The following NPHP1 variants were observed in gnomAD, a reference collection of about 807,000 sequenced individuals.
NPHP1 encodes the protein nephrocystin 1, also known as nephrocystin-1.
A neutral mutation model predicts 90.4 loss-of-function variants in NPHP1; 70 were observed. The observed-to-expected ratio is 0.77, with a 90% confidence interval of 0.64 to 0.95. The LOEUF (loss-of-function observed/expected upper bound fraction) is 0.95. Ranked by LOEUF, NPHP1 falls within the 40% of genes least tolerant of loss-of-function variation. The probability of loss-of-function intolerance (pLI) is 0.00; values close to 1 mark genes in which losing one functional copy is unlikely to be tolerated. For missense variants in NPHP1, 764 were observed against 795.9 expected (o/e 0.96, Z 0.48); for synonymous variants, 256 against 271.7 (o/e 0.94, Z 0.57).
Position 110,165,085 on chromosome 2 carries a change from T to A in NPHP1, c.695A>T (p.Asp232Val). Reference sequence around the variant, plus strand: ...AACTTCTGCTCCATCTGCTGTTTCATCCACCGCCTCTACATCTTCTTCACT... The same window carrying A: ...AACTTCTGCTCCATCTGCTGTTTCAACCACCGCCTCTACATCTTCTTCACT... ...EGSEEDVEAVDETADGAEVKQ... is the reference protein window; with the variant it reads ...EGSEEDVEAVVETADGAEVKQ... The change falls in exon 7 of 20, where the codon GAT (aspartate) becomes GTT (valine). Residue 232 changes from aspartate to valine, a missense_variant. Physicochemically the swap from Asp to Val is radical, Grantham distance 152 (BLOSUM62 -3). Coordinates refer to ENST00000445609, the MANE Select transcript of NPHP1 (RefSeq NM_001128178.3). The A allele has an allele frequency of 6.2e-7, 1 of 1,613,796 alleles. No individual in the cohort carries two copies. The highest frequency in any genetic ancestry group is 8.5e-7 in the Non-Finnish European group (1 of 1,179,784).
chr2:110,196,794 C>T lies in NPHP1; in HGVS notation c.143+4627G>A, dbSNP rs535826996. On this transcript the variant is annotated intron_variant, in intron 2 of 19. Transcript: ENST00000445609. ...GATAGACTGGATTAAGAAAATGTGG[C>T]ACATATACACCATGGAATACTATGC... is the stretch of plus-strand genomic sequence containing the variant. Among the ~76,000 whole-genome samples the T allele has an allele frequency of 1.4e-4, 22 of 152,220 alleles. No homozygotes were observed. In the South Asian group the frequency reaches 4.2e-3, roughly 29 times the overall value.
At chr2:110,194,984 A>G (rs954781978) in intron 2 of NPHP1, among the ~76,000 whole-genome samples, 1 of 152,158 alleles carries the variant, frequency 6.6e-6, no homozygotes, top group African/African-American at 2.4e-5. Context: ...CTCTCAAGAA[A>G]TTAGGTATTG....
chr2:110,175,704 G>A (rs1359210775), intron 4 of NPHP1, among the ~76,000 whole-genome samples: 1 of 151,740 alleles, frequency 6.6e-6, no homozygotes, highest in African/African-American at 2.4e-5. Flanking sequence ...TTCTGTTTGG[G>A]GTTCCCTGAG....
At chr2:110,197,180 A>G (rs1190594645) in intron 2 of NPHP1, among the ~76,000 whole-genome samples, 1 of 152,150 alleles carries the variant, frequency 6.6e-6, no homozygotes, top group Non-Finnish European at 1.5e-5. Context: ...TAATGGATGC[A>G]GGGCTTAATA....
At position 110,200,252 on chromosome 2, in the gene NPHP1, C is replaced by G. The variant is rs1427523844; in HGVS notation, c.143+1169G>C. Among the ~76,000 whole-genome samples, 9 of 147,598 alleles carry G rather than the reference C, an allele frequency of 6.1e-5. No individual in the cohort carries two copies. The East Asian group carries it at 1.6e-3, about 26-fold the overall frequency. ...CCTGGGCGACAGAGAGAGACTCTAT[C>G]TCAAAAAAAATAAAACATAACAATT... is the stretch of plus-strand genomic sequence containing the variant. On this transcript the variant is annotated intron_variant, in intron 2 of 19. Transcript: ENST00000445609.
Position 110,163,051 on chromosome 2 carries a change from C to T in NPHP1, c.856G>A (p.Glu286Lys), listed in dbSNP as rs1289648902. The T allele has an allele frequency of 1.9e-6, 3 of 1,610,986 alleles. No individual in the cohort carries two copies. The highest frequency in any genetic ancestry group is 2.5e-6 in the Non-Finnish European group (3 of 1,177,168). The change falls in exon 9 of 20, where the codon GAA (glutamate) becomes AAA (lysine). Residue 286 changes from glutamate (E) to lysine (K), a missense_variant. Glu to Lys is a moderately conservative substitution (Grantham distance 56, BLOSUM62 1). Transcript: ENST00000445609. ...GTGGCTGATAGGCACGCATTACCTTCCTCCAGAAGCTGTGAGAGCGTGGAA... is the reference window on the plus strand; with the variant it reads ...GTGGCTGATAGGCACGCATTACCTTTCTCCAGAAGCTGTGAGAGCGTGGAA... ...RPSTLSQLLE[E>K]GNQFRANYFL...
Position 110,148,595 on chromosome 2 carries a change from C to A in NPHP1, c.1159-569G>T, listed in dbSNP as rs370142615. Among the ~76,000 whole-genome samples, 21 of 152,210 alleles carry A rather than the reference C, an allele frequency of 1.4e-4. No homozygotes were observed. In the East Asian group the frequency reaches 2.5e-3, roughly 18 times the overall value. On this transcript the variant is annotated intron_variant, in intron 12 of 19. Coordinates refer to ENST00000445609, the MANE Select transcript of NPHP1 (RefSeq NM_001128178.3). ...CTGAATTCATCAATGCCAATGATTA[C>A]AAATTTTAAAAATTTAACTTCACTT... is the stretch of plus-strand genomic sequence containing the variant.
chr2:110,174,265 A>G (rs1338914938), intron 4 of NPHP1, among the ~76,000 whole-genome samples: 1 of 151,926 alleles, frequency 6.6e-6, no homozygotes, highest in Non-Finnish European at 1.5e-5. Flanking sequence ...CCATATTACT[A>G]TTTGGTTTCT....
intron 2 of NPHP1, among the ~76,000 whole-genome samples, chr2:110,187,031 A>G (rs943556780): frequency 6.6e-6 from 1 of 152,180 alleles, no homozygotes; most frequent in Non-Finnish European, 1.5e-5. Flanking sequence ...CAGTGTTCAG[A>G]GGAAAATTTA....
chr2:110,193,665 C>T (rs1183643144), intron 2 of NPHP1, among the ~76,000 whole-genome samples: 2 of 152,176 alleles, frequency 1.3e-5, no homozygotes, highest in African/African-American at 2.4e-5. Flanking sequence ...ACCTAATAGA[C>T]ATCTACAGAA....
chr2:110,188,780 A>G lies in NPHP1; in HGVS notation c.144-9096T>C, dbSNP rs182222668. On this transcript the variant is annotated intron_variant, in intron 2 of 19. Coordinates refer to ENST00000445609, the MANE Select transcript of NPHP1 (RefSeq NM_001128178.3). Reference sequence around the variant, plus strand: ...GCTACAGTAACTAAAACAGCATGGTACTGGTAAAAGAACAGACACATAGGC... The same window carrying G: ...GCTACAGTAACTAAAACAGCATGGTGCTGGTAAAAGAACAGACACATAGGC... 6.4e-4 allele frequency among the ~76,000 whole-genome samples: 98 copies of G among 152,334 alleles called. 1 individual carries two copies. The East Asian group carries it at 0.018, about 27-fold the overall frequency.
intron 14 of NPHP1, among the ~76,000 whole-genome samples, chr2:110,145,167 T>C (rs1408357404): frequency 6.6e-6 from 1 of 152,166 alleles, no homozygotes; most frequent in East Asian, 1.9e-4. Flanking sequence ...ACACTCTACA[T>C]GCTTTTCTTT....
intron 2 of NPHP1, among the ~76,000 whole-genome samples, 183 bp downstream of exon 2, chr2:110,201,238 T>C (rs1477431860): frequency 1.3e-5 from 2 of 152,170 alleles, no homozygotes; most frequent in Non-Finnish European, 2.9e-5. Context: ...GCAGTTTTTA[T>C]AGTTGCTGTC....
chr2:110,141,985 A>G (rs1680676914), intron 16 of NPHP1, among the ~76,000 whole-genome samples: 1 of 151,490 alleles, frequency 6.6e-6, no homozygotes, highest in African/African-American at 2.4e-5. Flanking sequence ...AAAAAAAAAA[A>G]AAAAGAAAGA....
intron 16 of NPHP1, among the ~76,000 whole-genome samples, chr2:110,135,734 T>C (rs1292579878): frequency 6.6e-6 from 1 of 152,172 alleles, no homozygotes; most frequent in African/African-American, 2.4e-5. Flanking sequence ...AAAAGGAAGA[T>C]GTCTTTGGGC....
At chr2:110,178,872 G>T (rs1036068435) in intron 3 of NPHP1, 1 of 203,768 alleles carries the variant, frequency 4.9e-6, no homozygotes, top group Admixed American at 5.5e-5. Context: ...CCAATCCCAA[G>T]TTCTGCCACT....
intron 4 of NPHP1, among the ~76,000 whole-genome samples, chr2:110,176,029 C>T (rs1683484862): frequency 2.2e-5 from 3 of 137,166 alleles, no homozygotes; most frequent in Admixed American, 7.7e-5. Context: ...TTTTTTAGTT[C>T]CAGAATTTTC....
intron 16 of NPHP1, among the ~76,000 whole-genome samples, chr2:110,139,366 C>G (rs1049334414): frequency 6.6e-6 from 1 of 152,072 alleles, no homozygotes; most frequent in African/African-American, 2.4e-5. Flanking sequence ...AAGTTAAACC[C>G]TTTTGAAAAA....
intron 4 of NPHP1, among the ~76,000 whole-genome samples, chr2:110,173,271 G>A (rs1683290816): frequency 6.6e-6 from 1 of 151,938 alleles, no homozygotes; most frequent in Non-Finnish European, 1.5e-5. Context: ...TTCTGTCATT[G>A]GGTTTTAATG....
Sources: allele counts gnomAD v4.1 joint callset (sites outside exome capture counted in the v4.1 genomes callset), GRCh38; gene constraint gnomAD v4.1.1; transcripts MANE v1.5; gene names NCBI Gene and HGNC (gene_info 2026-07-23, HGNC 2026-07-21).